The following ARMC6 variants were observed in gnomAD, a reference collection of about 807,000 sequenced individuals.
ARMC6 encodes the protein armadillo repeat containing 6, also known as armadillo repeat-containing protein 6.
ARMC6 carries 43 observed loss-of-function variants against 49.2 expected under a neutral mutation model. The ratio of observed to expected loss-of-function variants is 0.87; its 90% CI spans 0.69 to 1.13. The LOEUF is 1.13. ARMC6 is among the 50% of genes most tolerant of loss of function. The probability of loss-of-function intolerance (pLI) is 0.00; values close to 1 mark genes in which losing one functional copy is unlikely to be tolerated. For missense variants in ARMC6, 627 were observed against 682.0 expected (o/e 0.92, Z 0.90); for synonymous variants, 262 against 289.6 (o/e 0.90, Z 0.97).
rs748357975 is a variant in ARMC6 at position 19,055,844 on chromosome 19, C to G, written c.1209C>G (p.Asp403Glu). 6.2e-7 allele frequency: 1 copy of G among 1,612,262 alleles called. No individual in the cohort carries two copies. Among genetic ancestry groups the G allele is most frequent in the South Asian group, 1.1e-5 (1 of 90,912 alleles). The stretch of plus-strand genomic sequence containing the variant: ...GCTTCCTGGCCCTGCGTAAGCCCGA[C>G]AACAGCCGCATCATCGTGGAGGGTG... ...ALCFLALRKP[D>E]NSRIIVEGGG... The change falls in exon 8 of 9, where the codon GAC becomes GAG. Residue 403 changes from aspartate (D) to glutamate (E), a missense_variant. Transcript: ENST00000535612. The surrounding 1 kb of genome is among the most constrained non-coding windows in gnomAD (Gnocchi z 5.7).
chr19:19,051,428 G>A (rs1443353611), intron 4 of ARMC6, among the ~76,000 whole-genome samples, 194 bp from the exon 5 acceptor site: 2 of 137,168 alleles, frequency 1.5e-5, no homozygotes, highest in South Asian at 2.3e-4. Flanking sequence ...AGTCTTCCAC[G>A]CTATGGCCTC....
At chr19:19,053,770 A>G (rs1325087522) in intron 5 of ARMC6, among the ~76,000 whole-genome samples, 4 of 151,400 alleles carry the variant, frequency 2.6e-5, no homozygotes, top group Non-Finnish European at 2.9e-5. Flanking sequence ...GTGTCCCTCT[A>G]TGGTTCTGGA....
chr19:19,035,153 C>A (rs892299374), intron 2 of ARMC6, among the ~76,000 whole-genome samples: 1 of 152,156 alleles, frequency 6.6e-6, no homozygotes, highest in Non-Finnish European at 1.5e-5. Context: ...CGTGAGCCAC[C>A]GTGCCCGGCC....
chr19:19,034,618 T>G (rs577623995), intron 2 of ARMC6, among the ~76,000 whole-genome samples: 1 of 152,228 alleles, frequency 6.6e-6, no homozygotes, highest in East Asian at 1.9e-4. Flanking sequence ...AGACGGAGTC[T>G]TTCTCTGTCG....
At position 19,034,138 on chromosome 19, in the gene ARMC6, G is replaced by T. The variant is rs529493916; in HGVS notation, c.-72G>T. 50 of 991,012 alleles carry T rather than the reference G, an allele frequency of 5.0e-5. No homozygotes were observed. Among genetic ancestry groups the T allele is most frequent in the African/African-American group, 4.9e-4 (31 of 63,176 alleles). The allele number at this position is 991,012 out of a possible 1,614,324, so 61.4% of individuals were successfully genotyped here. ...TTTTATTTATTCATTCAGCACCTGT[G>T]CACTGAGTGCCTGCTGCGTGTCGGG... On this transcript the variant is annotated 5_prime_UTR_variant, in exon 2 of 9. Transcript: ENST00000535612.
At position 19,057,904 on chromosome 19, in the gene ARMC6, GA is replaced by G. The variant is rs537726774; in HGVS notation, c.*277del. 410 of 571,460 alleles carry G rather than the reference GA, an allele frequency of 7.2e-4. 4 individuals are homozygous for G. The South Asian group carries it at 7.4e-3, about 10-fold the overall frequency. The allele number at this position is 571,460 out of a possible 1,614,324, so 35.4% of individuals were successfully genotyped here. On this transcript the variant is annotated 3_prime_UTR_variant, in exon 9 of 9. Transcript: ENST00000535612. ...CTTCCCCCAGCCCCACGCCCTACCA[GA>G]GGGGGCAAAGGGCACGTCCCATCAC... is the stretch of plus-strand genomic sequence containing the variant.
chr19:19,037,393 T>TC (rs1462197380), intron 2 of ARMC6, among the ~76,000 whole-genome samples: 2 of 151,228 alleles, frequency 1.3e-5, no homozygotes, highest in African/African-American at 4.9e-5. Flanking sequence ...TTTTTTTTTT[T>TC]TGAGACAAGG....
In ARMC6 at chr19:19,043,065, C is replaced by T. The variant is rs569537064; in HGVS notation, c.196+188C>T. Among the ~76,000 whole-genome samples the T allele has an allele frequency of 7.9e-5, 12 of 152,340 alleles. No homozygotes were observed. The East Asian group carries it at 2.3e-3, about 29-fold the overall frequency. On this transcript the variant is annotated intron_variant, in intron 3 of 8. Transcript: ENST00000535612. ...TCCTGCTCCCACCTCTCACCTGCTT[C>T]CACCTCGCCCAGATATTTGTGGGCT...
At position 19,055,131 on chromosome 19, in the gene ARMC6, C is replaced by A; in HGVS notation, c.1024-134C>A. On this transcript the variant is annotated intron_variant, in intron 6 of 8. Transcript: ENST00000535612. The surrounding 1 kb of genome is among the most constrained non-coding windows in gnomAD (Gnocchi z 5.7). ...CCTGAGCCACAGGCATCTGCCACCC[C>A]TTCTCGTTAGTCACACCCTGCAGTC... 3 of 1,205,670 alleles carry A rather than the reference C, an allele frequency of 2.5e-6. No homozygotes were observed. Among genetic ancestry groups the A allele is most frequent in the Non-Finnish European group, 3.4e-6 (3 of 891,742 alleles). 74.7% of individuals were successfully genotyped at this position (1,205,670 alleles called of 1,614,324 possible). A position where few individuals can be genotyped will look rare whatever the true frequency, so the allele number is the denominator to read the frequency against.
Position 19,057,481 on chromosome 19 carries a change from G to A in ARMC6, c.1359G>A (p.Leu453=). 6.2e-7 allele frequency: 1 copy of A among 1,614,126 alleles called. No individual in the cohort carries two copies. The change falls in exon 9 of 9, where the codon CTG becomes CTA. Residue 453 remains leucine (L), a synonymous_variant. Transcript: ENST00000535612. ...AHGQAFSKPI[L]DLGAEALIMQ... ...GCCAGGCCTTCTCGAAGCCCATCCT[G>A]GACCTGGGGGCTGAGGCACTCATCA...
At chr19:19,033,960 CCGCGCGG>C in intron 1 of ARMC6, 30 bp downstream of exon 1, 1 of 516,592 alleles carries the variant, frequency 1.9e-6, no homozygotes, top group Non-Finnish European at 3.5e-6. Flanking sequence ...GAGGCCTGTC[CCGCGCGG>C]AGTGGGGAGT....
chr19:19,040,094 G>A (rs748471539), intron 2 of ARMC6, among the ~76,000 whole-genome samples: 2 of 152,208 alleles, frequency 1.3e-5, no homozygotes, highest in South Asian at 2.1e-4. Context: ...GATAGAGAAC[G>A]TTTCATCATA....
At chr19:19,054,028 G>A in intron 5 of ARMC6, 124 bp from the exon 6 acceptor site, 1 of 954,768 alleles carries the variant, frequency 1.0e-6, no homozygotes, top group Non-Finnish European at 1.4e-6. Flanking sequence ...CCTTCCTGGT[G>A]CCCGTGGCCA....
intron 4 of ARMC6, among the ~76,000 whole-genome samples, chr19:19,046,258 G>A (rs1184923844): frequency 3.3e-5 from 5 of 150,926 alleles, no homozygotes; most frequent in African/African-American, 4.9e-5. Context: ...GTGCAGTGGC[G>A]TGATCTTGGC....
intron 3 of ARMC6, 128 bp downstream of exon 3, chr19:19,043,005 G>C: frequency 8.5e-7 from 1 of 1,177,702 alleles, no homozygotes; most frequent in Non-Finnish European, 1.2e-6. Flanking sequence ...ATTGGGCCCT[G>C]TCCCCTCCAG....
chr19:19,043,655 A>G (rs2059426622), intron 3 of ARMC6, among the ~76,000 whole-genome samples: 1 of 152,088 alleles, frequency 6.6e-6, no homozygotes, highest in African/African-American at 2.4e-5. Flanking sequence ...GGGAGCCCCA[A>G]GGGAGAAGGC....
intron 4 of ARMC6, among the ~76,000 whole-genome samples, chr19:19,051,369 C>G (rs2059493624): frequency 1.5e-5 from 2 of 129,402 alleles, no homozygotes; most frequent in African/African-American, 6.8e-5. Flanking sequence ...ATCTCTCTCT[C>G]TCTCTCTGTG....
At chr19:19,037,379 CTTTTT>C (rs34331029) in intron 2 of ARMC6, among the ~76,000 whole-genome samples, 1 of 140,888 alleles carries the variant, frequency 7.1e-6, no homozygotes, top group African/African-American at 2.6e-5. Context: ...TTTCTTTTTC[CTTTTT>C]TTTTTTTTTT....
chr19:19,054,158 T>C lies in ARMC6; in HGVS notation c.860T>C (p.Leu287Pro). 1 of 1,573,950 alleles carries C rather than the reference T, an allele frequency of 6.4e-7. No individual in the cohort carries two copies. Among genetic ancestry groups the C allele is most frequent in the Non-Finnish European group, 8.6e-7 (1 of 1,159,458 alleles). Residue 287 changes from leucine to proline, a missense_variant, in exon 6 of 9, where the codon CTG becomes CCG. Transcript: ENST00000535612. Reference protein sequence around the residue: ...KVLIEATKAFLDNPGILSELC... With the variant: ...KVLIEATKAFPDNPGILSELC... Reference sequence around the variant, plus strand: ...TCTCCCTTTCTCCCTGCAGCGTTCCTGGATAACCCTGGCATCCTGAGCGAG... The same window carrying C: ...TCTCCCTTTCTCCCTGCAGCGTTCCCGGATAACCCTGGCATCCTGAGCGAG...
Sources: gnomAD v4.1 joint callset for allele counts (sites outside exome capture counted in the v4.1 genomes callset) on GRCh38, gnomAD v4.1.1 for gene constraint, Gnocchi (gnomAD v3.1) non-coding constraint, MANE v1.5 for transcripts, NCBI Gene and HGNC (gene_info 2026-07-23, HGNC 2026-07-21) for gene names.